Variants in AFF1 observed in about 807,000 individuals in gnomAD.
AFF1 encodes the protein ALF transcription elongation factor 1, also known as AF4/FMR2 family member 1.
In AFF1, 48 loss-of-function variants were observed where a neutral mutation model predicts 121.7. The observed-to-expected ratio is 0.39, with a 90% CI of 0.31 to 0.50. AFF1 has a LOEUF of 0.50. Ranked by LOEUF, AFF1 falls within the 20% of genes least tolerant of loss-of-function variation. AFF1 has a pLI of 0.76. For missense variants in AFF1, 1,523 were observed against 1,511.7 expected, an observed-to-expected ratio of 1.01 and a Z score of -0.12; for synonymous variants, 613 against 563.0, an observed-to-expected ratio of 1.09 and a Z score of -1.26.
rs1301468070 is a variant in AFF1 at position 87,136,500 on chromosome 4, TACCCCTGCCATTTCCC to T, written c.*808_*823del. The T allele has an allele frequency of 3.0e-5, 7 of 232,622 alleles. No individual in the cohort carries two copies. In the South Asian group the frequency reaches 5.4e-4, roughly 18 times the overall value. 14.4% of individuals were successfully genotyped at this position (232,622 alleles called of 1,614,324 possible). A position where few individuals can be genotyped will look rare whatever the true frequency, so the allele number is the denominator to read the frequency against. ...AGGAGGACTTGGCGCTGCCATTTCC[TACCCCTGCCATTTCCC>T]ACCCCTGCTTCAGCGAAAGGGACTC... On this transcript the variant is annotated 3_prime_UTR_variant, in exon 21 of 21. Coordinates refer to ENST00000395146, the MANE Select transcript of AFF1 (RefSeq NM_001166693.3).
At chr4:87,033,924 A>T (rs1176417475) in intron 2 of AFF1, among the ~76,000 whole-genome samples, 1 of 152,026 alleles carries the variant, frequency 6.6e-6, no homozygotes, top group African/African-American at 2.4e-5. Context: ...ATATGACCTG[A>T]TGGGTTAGTG....
At chr4:87,011,344 C>T (rs771066552) in intron 2 of AFF1, among the ~76,000 whole-genome samples, 4 of 152,102 alleles carry the variant, frequency 2.6e-5, no homozygotes, top group African/African-American at 4.8e-5. Context: ...TTTGAAAAAT[C>T]AATAAAGAAG....
intron 4 of AFF1, among the ~76,000 whole-genome samples, chr4:87,076,144 C>G (rs369265597): frequency 6.6e-6 from 1 of 152,146 alleles, no homozygotes; most frequent in African/African-American, 2.4e-5. Flanking sequence ...TGCACTACCC[C>G]CTTCTTCTAG....
At chr4:86,938,521 A>G (rs1313538882) in intron 1 of AFF1, among the ~76,000 whole-genome samples, 1 of 151,936 alleles carries the variant, frequency 6.6e-6, no homozygotes, top group African/African-American at 2.4e-5. Flanking sequence ...TTGATTAGTG[A>G]TATTTTCCTC....
intron 2 of AFF1, among the ~76,000 whole-genome samples, chr4:86,980,775 T>TTC (rs1723675310): frequency 6.6e-6 from 1 of 152,134 alleles, no homozygotes; most frequent in African/African-American, 2.4e-5. Flanking sequence ...AAGCTAGACT[T>TTC]TCCTGAATGT....
intron 2 of AFF1, among the ~76,000 whole-genome samples, chr4:87,042,691 A>T (rs146153237): frequency 3.7e-4 from 57 of 152,344 alleles, no homozygotes; most frequent in East Asian, 1.3e-3. Context: ...GTTTAAAAAA[A>T]TTTTTTTGAC....
rs368411587 is a variant in AFF1 at position 87,081,461 on chromosome 4, C to T, written c.1060-2659C>T. 1.1e-4 allele frequency among the ~76,000 whole-genome samples: 17 copies of T among 152,154 alleles called. No individual in the cohort carries two copies. The East Asian group carries it at 2.1e-3, about 19-fold the overall frequency. On this transcript the variant is annotated intron_variant, in intron 4 of 20. Coordinates refer to ENST00000395146, the MANE Select transcript of AFF1 (RefSeq NM_001166693.3). ...ACAGGCGTGAGCCACTGCGCCCGGC[C>T]GTATGAAATGATTTTTAAAGAAAAA...
At chr4:86,941,956 T>C (rs931327600) in intron 1 of AFF1, among the ~76,000 whole-genome samples, 2 of 151,962 alleles carry the variant, frequency 1.3e-5, no homozygotes, top group African/African-American at 4.8e-5. Context: ...TTTTTTTTTT[T>C]CCTTATAAAT....
intron 2 of AFF1, among the ~76,000 whole-genome samples, chr4:87,016,443 C>T (rs1398863087): frequency 6.6e-6 from 1 of 150,826 alleles, no homozygotes; most frequent in Admixed American, 6.6e-5. Flanking sequence ...CCCAGCTACT[C>T]GGGAGACTGA....
Position 86,966,376 on chromosome 4 carries a change from C to G in AFF1, c.38+17805C>G, listed in dbSNP as rs550022069. Among the ~76,000 whole-genome samples the G allele has an allele frequency of 2.6e-5, 4 of 152,224 alleles. No homozygotes were observed. The East Asian group carries it at 7.7e-4, about 29-fold the overall frequency. On this transcript the variant is annotated intron_variant, in intron 2 of 20. Coordinates refer to ENST00000395146, the MANE Select transcript of AFF1 (RefSeq NM_001166693.3). The stretch of plus-strand genomic sequence containing the variant: ...TCTCACCAAACTTCCTTTTGTCTTG[C>G]TTGATAAAAGTTGGCATTCCTCAAA...
chr4:87,096,700 A>T (rs1724903149), intron 8 of AFF1, among the ~76,000 whole-genome samples: 1 of 152,116 alleles, frequency 6.6e-6, no homozygotes, highest in Non-Finnish European at 1.5e-5. Flanking sequence ...GGCACAGGCT[A>T]CTATGATGCC....
intron 2 of AFF1, among the ~76,000 whole-genome samples, chr4:86,999,328 C>T (rs1014296010): frequency 7.2e-5 from 11 of 152,116 alleles, no homozygotes; most frequent in African/African-American, 2.4e-4. Flanking sequence ...CACACTTTTC[C>T]CCTAGTCTTT....
intron 4 of AFF1, among the ~76,000 whole-genome samples, chr4:87,048,843 G>T (rs1730981874): frequency 6.6e-6 from 1 of 152,122 alleles, no homozygotes; most frequent in Non-Finnish European, 1.5e-5. Context: ...AAATGACCAA[G>T]ATGGCAGAAC....
intron 8 of AFF1, among the ~76,000 whole-genome samples, chr4:87,104,435 T>C (rs1409714332): frequency 1.3e-5 from 2 of 152,110 alleles, no homozygotes; most frequent in Admixed American, 1.3e-4. Context: ...AGATAAATAT[T>C]GAGCAAGATC....
chr4:86,972,657 CCT>C (rs1341580262), intron 2 of AFF1, among the ~76,000 whole-genome samples: 1 of 152,096 alleles, frequency 6.6e-6, no homozygotes, highest in African/African-American at 2.4e-5. Flanking sequence ...CTTGCCTCAG[CCT>C]CTCAAGTAGC....
chr4:87,077,637 A>G (rs1423891171), intron 4 of AFF1, among the ~76,000 whole-genome samples: 2 of 152,000 alleles, frequency 1.3e-5, no homozygotes, highest in African/African-American at 4.8e-5. Flanking sequence ...TTTCTTGTGT[A>G]TCATTCCCAG....
chr4:86,993,413 C>A (rs1486121281), intron 2 of AFF1, among the ~76,000 whole-genome samples: 3 of 152,136 alleles, frequency 2.0e-5, no homozygotes. Context: ...TATCTCCTAT[C>A]TTCCAGTTCT....
intron 2 of AFF1, among the ~76,000 whole-genome samples, chr4:86,983,815 A>G (rs1018533921): frequency 1.3e-5 from 2 of 152,032 alleles, no homozygotes; most frequent in African/African-American, 4.8e-5. Flanking sequence ...AGGCAGGTGG[A>G]TCACGAGGTC....
At chr4:86,953,805 C>T (rs916843266) in intron 2 of AFF1, among the ~76,000 whole-genome samples, 1 of 151,990 alleles carries the variant, frequency 6.6e-6, no homozygotes, top group African/African-American at 2.4e-5. Flanking sequence ...CTGGAACCTC[C>T]ATCTCCTGGG....
Sources: gnomAD v4.1 joint callset for allele counts (sites outside exome capture counted in the v4.1 genomes callset) on GRCh38, gnomAD v4.1.1 for gene constraint, MANE v1.5 for transcripts, NCBI Gene and HGNC (gene_info 2026-07-23, HGNC 2026-07-21) for gene names.